ST7: variants seen among roughly 807,000 people sequenced by gnomAD.
ST7 encodes the protein suppression of tumorigenicity 7.
A neutral mutation model predicts 78.7 loss-of-function variants in ST7; 28 were observed. The observed-to-expected ratio is 0.36, with a 90% CI of 0.26 to 0.49. The LOEUF is 0.49. ST7 is among the 20% of genes least tolerant of loss of function. The pLI, the probability that ST7 is intolerant of heterozygous loss-of-function variation, is 0.99. For synonymous variants in ST7, 247 were observed against 249.6 expected (o/e 0.99, Z 0.10); for missense variants, 418 against 696.0 (o/e 0.60, Z 4.49).
At chr7:117,012,283 ATTT>A (rs201580835) in intron 1 of ST7, among the ~76,000 whole-genome samples, 6 of 142,324 alleles carry the variant, frequency 4.2e-5, no homozygotes, top group Admixed American at 7.0e-5. Context: ...GTTTTTTGAA[ATTT>A]TTTTTTTTTT....
intron 10 of ST7, among the ~76,000 whole-genome samples, chr7:117,186,013 A>T (rs948344119): frequency 6.6e-6 from 1 of 152,250 alleles, no homozygotes; most frequent in South Asian, 2.1e-4. Flanking sequence ...ACAATATGTC[A>T]TAAAGTTATG....
At chr7:116,985,935 C>T (rs1178526616) in intron 1 of ST7, among the ~76,000 whole-genome samples, 1 of 152,190 alleles carries the variant, frequency 6.6e-6, no homozygotes, top group African/African-American at 2.4e-5. Context: ...CAGGTTCAAG[C>T]GACTCTTATG....
intron 5 of ST7, among the ~76,000 whole-genome samples, 154 bp from the exon 6 acceptor site, chr7:117,131,731 C>T (rs1259423543): frequency 1.3e-5 from 2 of 151,902 alleles, no homozygotes; most frequent in South Asian, 2.1e-4. Flanking sequence ...CATTAATACA[C>T]TAATATGACT....
chr7:117,190,486 T>C lies in ST7; in HGVS notation c.1152-348T>C, dbSNP rs1809674247. Reference sequence around the variant, plus strand: ...CTGTTTTTAACCAAGTGCGCTCTTCTGTAACCTAGTTTTCTCTTTTTCCTA... The same window carrying C: ...CTGTTTTTAACCAAGTGCGCTCTTCCGTAACCTAGTTTTCTCTTTTTCCTA... On this transcript the variant is annotated intron_variant, in intron 11 of 15. Transcript: ENST00000323984. The surrounding 1 kb of genome is among the most constrained non-coding windows in gnomAD (Gnocchi z 5.2). Among the ~76,000 whole-genome samples the C allele has an allele frequency of 6.6e-6, 1 of 152,212 alleles. No homozygotes were observed.
chr7:117,189,324 T>C lies in ST7; in HGVS notation c.1082T>C (p.Ile361Thr), dbSNP rs765164302. 6.2e-7 allele frequency: 1 copy of C among 1,607,930 alleles called. No homozygotes were observed. The highest frequency in any genetic ancestry group is 8.5e-7 in the Non-Finnish European group (1 of 1,176,554). ...CTACTTTCTTTTTCTCCAACAGATA[T>C]AAGCTTACCAAAGTCAGCAACAATA... Reference protein sequence around the residue: ...VQAVLAKYDDISLPKSATICY... With the variant: ...VQAVLAKYDDTSLPKSATICY... The change falls in exon 11 of 16, where the codon ATA (isoleucine) becomes ACA (threonine). Residue 361 changes from isoleucine (I) to threonine (T), a missense_variant. Coordinates refer to ENST00000323984, the MANE Select transcript of ST7 (RefSeq NM_001369598.1).
intron 1 of ST7, among the ~76,000 whole-genome samples, chr7:116,977,478 G>A (rs6978286): frequency 0.17 from 26,418 of 152,232 alleles, 2,771 homozygotes; most frequent in Non-Finnish European, 0.25. Context: ...CAGAGCTTCT[G>A]CCTTGTAAAT....
At chr7:117,082,775 TAAC>T (rs1236426234) in intron 1 of ST7, among the ~76,000 whole-genome samples, 4 of 152,354 alleles carry the variant, frequency 2.6e-5, no homozygotes, top group Non-Finnish European at 4.4e-5. Context: ...TTACACTATT[TAAC>T]TCAGCTGTTG....
At chr7:117,107,674 C>A (rs954674326) in intron 2 of ST7, among the ~76,000 whole-genome samples, 1 of 136,108 alleles carries the variant, frequency 7.3e-6, no homozygotes, top group Non-Finnish European at 1.5e-5. Flanking sequence ...AGTGCAATGG[C>A]ACAATCTCGG....
rs149415186 is a variant in ST7 at position 117,075,162 on chromosome 7, CAT to C, written c.152-24597_152-24596del. ...AAAGATGAAAATAATTACTCTAAAACATATTGCAAATCTATTAAAATATATCC... is the reference window on the plus strand; with the variant it reads ...AAAGATGAAAATAATTACTCTAAAACATTGCAAATCTATTAAAATATATCC... On this transcript the variant is annotated intron_variant, in intron 1 of 15. Transcript: ENST00000323984. Among the ~76,000 whole-genome samples, 766 of 152,254 alleles carry C rather than the reference CAT, an allele frequency of 5.0e-3. 4 individuals carry two copies. The highest frequency in any genetic ancestry group is 0.018 in the African/African-American group (738 of 41,552).
chr7:117,060,664 A>T (rs996548202), intron 1 of ST7, among the ~76,000 whole-genome samples: 2 of 152,126 alleles, frequency 1.3e-5, no homozygotes, highest in African/African-American at 4.8e-5. Flanking sequence ...ATATATATCA[A>T]TTTTTTTCTC....
chr7:116,990,667 A>G (rs527770287), intron 1 of ST7, among the ~76,000 whole-genome samples: 7 of 152,084 alleles, frequency 4.6e-5, no homozygotes, highest in Admixed American at 3.3e-4. Context: ...ATTAAATGTC[A>G]CCTTCTAAGT....
intron 9 of ST7, among the ~76,000 whole-genome samples, chr7:117,150,184 A>G (rs562506438): frequency 3.3e-5 from 5 of 152,278 alleles, no homozygotes; most frequent in African/African-American, 1.2e-4. Context: ...TCTAGTCACT[A>G]TGGGTATAGA....
intron 1 of ST7, among the ~76,000 whole-genome samples, chr7:116,967,646 T>C (rs1793193716): frequency 6.6e-6 from 1 of 152,244 alleles, no homozygotes; most frequent in African/African-American, 2.4e-5. Flanking sequence ...GTTACCTTGT[T>C]TATAACTGAG....
chr7:116,974,277 T>C (rs1562987144), intron 1 of ST7, among the ~76,000 whole-genome samples: 1 of 152,036 alleles, frequency 6.6e-6, no homozygotes, highest in African/African-American at 2.4e-5. Flanking sequence ...TAGTATATGC[T>C]TTTTCTTTTC....
chr7:117,088,661 G>A (rs190017454), intron 1 of ST7, among the ~76,000 whole-genome samples: 1 of 152,078 alleles, frequency 6.6e-6, no homozygotes, highest in South Asian at 2.1e-4. Flanking sequence ...ATATTTTTTG[G>A]TATAACTTCC....
At chr7:117,191,589 A>C (rs1809790537) in intron 12 of ST7, 1 of 152,182 alleles carries the variant, frequency 6.6e-6, no homozygotes, top group Admixed American at 6.5e-5. Flanking sequence ...TCAGGAGATG[A>C]ATGTGTATTT....
rs753131264 is a variant in ST7, at chr7:117,131,969, G to A, written c.641+9G>A. On this transcript the variant is annotated intron_variant, in intron 6 of 15. Transcript: ENST00000323984. Reference sequence around the variant, plus strand: ...GCCTTGGAGATAAATGAGTAAGTGGGGGAAAATCTTGCTGTTAAAAAGGAA... The same window carrying A: ...GCCTTGGAGATAAATGAGTAAGTGGAGGAAAATCTTGCTGTTAAAAAGGAA... 8 of 1,610,020 alleles carry A rather than the reference G, an allele frequency of 5.0e-6. No individual in the cohort carries two copies. Among genetic ancestry groups the A allele is most frequent in the East Asian group, 2.2e-5 (1 of 44,802 alleles).
intron 1 of ST7, chr7:116,956,314 G>T (rs898195332): frequency 2.8e-6 from 1 of 354,368 alleles, no homozygotes; most frequent in South Asian, 2.3e-5. Context: ...GGAGAAAGAA[G>T]TCATTAGCCA....
At chr7:117,210,034 G>A in intron 13 of ST7, 97 bp downstream of exon 13, 2 of 1,388,948 alleles carry the variant, frequency 1.4e-6, no homozygotes, top group East Asian at 2.4e-5. Context: ...ATTTACATAT[G>A]TACTGCTCTT....
Sources: gnomAD v4.1 joint callset for allele counts (sites outside exome capture counted in the v4.1 genomes callset) on GRCh38, gnomAD v4.1.1 for gene constraint, Gnocchi (gnomAD v3.1) non-coding constraint, MANE v1.5 for transcripts, NCBI Gene and HGNC (gene_info 2026-07-23, HGNC 2026-07-21) for gene names.